Variants in PCTP observed in about 807,000 individuals in gnomAD.
The protein encoded by PCTP is phosphatidylcholine transfer protein.
Under a neutral mutation model 31.0 loss-of-function variants are expected in PCTP, and 27 were observed. The observed-to-expected ratio is 0.87, with a 90% confidence interval of 0.64 to 1.20. The LOEUF is 1.20. PCTP is among the 50% of genes most tolerant of loss of function. The pLI is 0.00. For missense variants in PCTP, 287 were observed against 268.2 expected (o/e 1.07, Z -0.49); for synonymous variants, 108 against 101.2 (o/e 1.07, Z -0.40).
At chr17:55,778,571 G>A (rs1911447982), downstream of PCTP, among the ~76,000 whole-genome samples, 1 of 149,510 alleles carries the variant, frequency 6.7e-6, no homozygotes, top group South Asian at 2.2e-4. Flanking sequence ...CAATCCCCAT[G>A]GATTCAAGCC....
At chr17:55,757,818 A>G (rs1199320116) in intron 1 of PCTP, among the ~76,000 whole-genome samples, 2 of 152,212 alleles carry the variant, frequency 1.3e-5, no homozygotes, top group African/African-American at 4.8e-5. Context: ...CTAAAGTCAG[A>G]GGCAGGAGAA....
In PCTP at chr17:55,776,454, C is replaced by T; in HGVS notation, c.*354C>T. 1 of 1,232,394 alleles carries T rather than the reference C, an allele frequency of 8.1e-7. No individual in the cohort carries two copies. Among genetic ancestry groups the T allele is most frequent in the Non-Finnish European group, 1.0e-6 (1 of 988,450 alleles). 76.3% of individuals were successfully genotyped at this position (1,232,394 alleles called of 1,614,324 possible). A position where few individuals can be genotyped will look rare whatever the true frequency, so the allele number is the denominator to read the frequency against. ...TAGGGAACACGATCATTCCATTGTGCAATTTTACGGGGATGGGTGGGCGGA... is the reference window on the plus strand; with the variant it reads ...TAGGGAACACGATCATTCCATTGTGTAATTTTACGGGGATGGGTGGGCGGA... On this transcript the variant is annotated 3_prime_UTR_variant, in exon 6 of 6. Coordinates refer to ENST00000268896, the MANE Select transcript of PCTP (RefSeq NM_021213.4).
At chr17:55,808,894 AGCTAAGAATAAT>A (rs1912661121) in intron 3 of PCTP, among the ~76,000 whole-genome samples, 1 of 152,192 alleles carries the variant, frequency 6.6e-6, no homozygotes. Context: ...CTAAGAGGTC[AGCTAAGAATAAT>A]GGGCTTGAGC....
chr17:55,752,650 G>C lies in PCTP; in HGVS notation c.141+1406G>C, dbSNP rs534326808. Among the ~76,000 whole-genome samples the C allele has an allele frequency of 6.6e-5, 10 of 152,286 alleles. No homozygotes were observed. In the East Asian group the frequency reaches 1.9e-3, roughly 29 times the overall value. On this transcript the variant is annotated intron_variant, in intron 1 of 5. Coordinates refer to ENST00000268896, the MANE Select transcript of PCTP (RefSeq NM_021213.4). The stretch of plus-strand genomic sequence containing the variant: ...GGAATACTTACAAATTAGTAGGGCT[G>C]GCCTTTACATAATCCAGAACACAGC...
chr17:55,814,496 A>G (rs1208898778), intron 3 of PCTP, among the ~76,000 whole-genome samples: 1 of 152,222 alleles, frequency 6.6e-6, no homozygotes, highest in Non-Finnish European at 1.5e-5. Flanking sequence ...CAGCTGTGCC[A>G]AGGCTGAACA....
chr17:55,755,253 A>G (rs1194356593), intron 1 of PCTP, among the ~76,000 whole-genome samples: 6 of 152,166 alleles, frequency 3.9e-5, no homozygotes, highest in African/African-American at 1.4e-4. Context: ...GTGTGGTACG[A>G]GCTGGTTGTG....
chr17:55,851,385 C>A, the PCTP span, among the ~76,000 whole-genome samples: 5 of 152,192 alleles, frequency 3.3e-5, no homozygotes, highest in Admixed American at 2.6e-4. Context: ...CTGAAATGGA[C>A]TATGGAGGTT....
chr17:55,802,685 C>T (rs1912427641), intron 3 of PCTP, among the ~76,000 whole-genome samples: 1 of 152,160 alleles, frequency 6.6e-6, no homozygotes, highest in South Asian at 2.1e-4. Context: ...GCTAAAAACT[C>T]TCAATAAACT....
At chr17:55,775,684 G>A (rs2960058) in intron 5 of PCTP, 1,016,995 of 1,204,144 alleles carry the variant, frequency 0.84, 436,756 homozygotes, top group East Asian at 0.9. Context: ...TTCTAATTCA[G>A]TAAAGCAAGT....
chr17:55,770,915 T>G, intron 2 of PCTP, 191 bp from the exon 3 acceptor site: 1 of 447,078 alleles, frequency 2.2e-6, no homozygotes, highest in South Asian at 3.4e-5. Context: ...TTTTTATATA[T>G]AGAGATGGGG....
intron 1 of PCTP, among the ~76,000 whole-genome samples, chr17:55,757,748 A>T (rs1355252652): frequency 2.6e-5 from 4 of 152,184 alleles, no homozygotes; most frequent in Admixed American, 6.5e-5. Context: ...TCACACTTTG[A>T]GAACCACTGG....
intron 3 of PCTP, among the ~76,000 whole-genome samples, chr17:55,813,956 C>T (rs749382540): frequency 1.6e-4 from 24 of 151,566 alleles, no homozygotes; most frequent in Non-Finnish European, 3.4e-4. Context: ...GTGGGAGGAT[C>T]ACTTGAGCCT....
At chr17:55,771,266 A>G (rs540679527) in intron 3 of PCTP, 81 bp downstream of exon 3, 148 of 1,103,176 alleles carry the variant, frequency 1.3e-4, no homozygotes, top group Admixed American at 2.3e-4. Context: ...GCAGAGAGGT[A>G]GAGCTGGTTT....
At chr17:55,772,009 G>T (rs1447887753) in intron 3 of PCTP, among the ~76,000 whole-genome samples, 1 of 152,176 alleles carries the variant, frequency 6.6e-6, no homozygotes, top group African/African-American at 2.4e-5. Context: ...TAGATGAACT[G>T]CCAACACTTC....
At chr17:55,754,341 C>T (rs542928241) in intron 1 of PCTP, among the ~76,000 whole-genome samples, 1 of 152,248 alleles carries the variant, frequency 6.6e-6, no homozygotes, top group South Asian at 2.1e-4. Context: ...GAGAGGCTGA[C>T]AGAACTCAGG....
chr17:55,789,330 T>C (rs1911868966), intron 3 of PCTP, among the ~76,000 whole-genome samples: 1 of 152,226 alleles, frequency 6.6e-6, no homozygotes, highest in Non-Finnish European at 1.5e-5. Context: ...TTAGCAAATA[T>C]GGTATCAGAA....
At chr17:55,756,883 G>A (rs1597970996) in intron 1 of PCTP, among the ~76,000 whole-genome samples, 1 of 152,288 alleles carries the variant, frequency 6.6e-6, no homozygotes, top group Non-Finnish European at 1.5e-5. Context: ...GAGCCAGGAG[G>A]CCCACAGGAC....
intron 5 of PCTP, among the ~76,000 whole-genome samples, chr17:55,828,439 T>C (rs1211354568): frequency 6.6e-6 from 1 of 152,216 alleles, no homozygotes; most frequent in Non-Finnish European, 1.5e-5. Flanking sequence ...TGCCTTCATC[T>C]TAATATGGCT....
At chr17:55,816,874 C>T (rs554992729) in intron 3 of PCTP, among the ~76,000 whole-genome samples, 21 of 152,288 alleles carry the variant, frequency 1.4e-4, no homozygotes, top group African/African-American at 4.1e-4. Flanking sequence ...TAAATGTTGT[C>T]TTTATTTCCA....
Sources: allele counts gnomAD v4.1 joint callset (sites outside exome capture counted in the v4.1 genomes callset), GRCh38; gene constraint gnomAD v4.1.1; transcripts MANE v1.5; gene names NCBI Gene and HGNC (gene_info 2026-07-23, HGNC 2026-07-21).